Variants in DST observed in about 807,000 individuals in gnomAD.
DST encodes the protein dystonin.
Under a neutral mutation model 875.2 loss-of-function variants are expected in DST, and 253 were observed. The observed-to-expected ratio is 0.29, with a 90% CI of 0.26 to 0.32. The LOEUF (loss-of-function observed/expected upper bound fraction) is 0.32, where lower values mean the gene tolerates loss of function less well. Ranked by LOEUF, DST falls within the 10% of genes least tolerant of loss-of-function variation. The pLI, the probability that DST is intolerant of heterozygous loss-of-function variation, is 1.00. For missense variants in DST, 8,287 were observed against 9,111.6 expected (o/e 0.91, Z 3.68); for synonymous variants, 3,124 against 3,197.1 (o/e 0.98, Z 0.77).
chr6:56,472,036 G>A, intron 94 of DST, 23 bp downstream of exon 94: 2 of 1,612,270 alleles, frequency 1.2e-6, no homozygotes, highest in Non-Finnish European at 1.7e-6. Context: ...ACAATGTGGT[G>A]TTGAGGGTAT....
intron 69 of DST, among the ~76,000 whole-genome samples, chr6:56,522,699 A>G (rs2096728937): frequency 6.6e-6 from 1 of 152,054 alleles, no homozygotes; most frequent in Admixed American, 6.6e-5. Context: ...CACCAATCCA[A>G]GGGCCTTTCT....
At chr6:56,580,710 C>T (rs79055221) in intron 49 of DST, among the ~76,000 whole-genome samples, 3,019 of 146,910 alleles carry the variant, frequency 0.021, 107 homozygotes, top group African/African-American at 0.07. Context: ...AGGTAATTAG[C>T]GGAATTTACT....
At chr6:56,540,670 A>G (rs190660709) in intron 61 of DST, 14 of 152,648 alleles carry the variant, frequency 9.2e-5, no homozygotes, top group Admixed American at 8.5e-4. Context: ...CATTTTCTCT[A>G]TTTCTTGGCA....
At chr6:56,573,952 A>G in intron 50 of DST, 65 bp from the exon 51 acceptor site, 1 of 1,166,360 alleles carries the variant, frequency 8.6e-7, no homozygotes, top group East Asian at 2.5e-5. Flanking sequence ...TTTCAAAAAC[A>G]CATGAAGGTG....
intron 63 of DST, among the ~76,000 whole-genome samples, chr6:56,533,025 C>T (rs921435171): frequency 1.3e-5 from 2 of 152,148 alleles, no homozygotes; most frequent in Admixed American, 6.6e-5. Context: ...AAACGAGAGG[C>T]TCTTGGCTCC....
Position 56,593,795 on chromosome 6 carries a change from T to C in DST, c.12594A>G (p.Gly4198=). The C allele has an allele frequency of 6.2e-7, 1 of 1,613,972 alleles. No individual in the cohort carries two copies. Among genetic ancestry groups the C allele is most frequent in the Non-Finnish European group, 8.5e-7 (1 of 1,179,882 alleles). ...ATTTGGCAGCTTCCAACACTCTGTT[T>C]CCAGAAATTGTGATGTATCTCAAGT... ...KGDLRYITIS[G]NRVLEAAKSC... is the part of the protein sequence containing the mutation. The change falls in exon 48 of 104, where the codon GGA becomes GGG. Residue 4198 remains glycine (G), a synonymous_variant. Transcript: ENST00000680361.
At chr6:56,641,048 G>A (rs1415750210) in intron 17 of DST, among the ~76,000 whole-genome samples, 1 of 151,090 alleles carries the variant, frequency 6.6e-6, no homozygotes, top group East Asian at 1.9e-4. Context: ...AATTACTATA[G>A]ATTCCTAAAG....
chr6:56,492,522 T>C (rs1450001310), intron 84 of DST, 89 bp from the exon 85 acceptor site: 3 of 1,322,270 alleles, frequency 2.3e-6, no homozygotes, highest in African/African-American at 3.0e-5. Flanking sequence ...CTGAAATTAT[T>C]TTAAAGGACA....
At position 56,851,489 on chromosome 6, in the gene DST, G is replaced by C. The variant is rs1562176828; in HGVS notation, c.533C>G (p.Pro178Arg). The C allele has an allele frequency of 6.2e-7, 1 of 1,614,030 alleles. No individual in the cohort carries two copies. The highest frequency in any genetic ancestry group is 2.2e-5 in the East Asian group (1 of 44,890). The change falls in exon 4 of 104, where the codon CCC becomes CGC. Residue 178 changes from proline to arginine, a missense_variant. Transcript: ENST00000680361. ...SASPAPGDTL[P>R]WNLPKHERSK... ...TCTCTCATGTTTAGGCAAATTCCAG[G>C]GTAAGGTGTCTCCCGGAGCTGGGGA...
chr6:56,559,034 TG>T (rs1477058609), intron 58 of DST, among the ~76,000 whole-genome samples: 2 of 152,160 alleles, frequency 1.3e-5, no homozygotes, highest in Non-Finnish European at 2.9e-5. Context: ...TATTCATTGA[TG>T]GTGTGATCAC....
chr6:56,810,737 G>GT (rs1358129601), intron 4 of DST, among the ~76,000 whole-genome samples: 1 of 151,482 alleles, frequency 6.6e-6, no homozygotes, highest in African/African-American at 2.4e-5. Context: ...CAGTATCAGG[G>GT]TAACTCCAGG....
chr6:56,584,762 C>T (rs1343296387), intron 49 of DST, among the ~76,000 whole-genome samples: 7 of 151,948 alleles, frequency 4.6e-5, no homozygotes, highest in Non-Finnish European at 8.8e-5. Context: ...TTTTGAGATA[C>T]GTCCCATCAA....
intron 4 of DST, among the ~76,000 whole-genome samples, chr6:56,789,410 C>T (rs1326990361): frequency 6.6e-6 from 1 of 152,068 alleles, no homozygotes; most frequent in Non-Finnish European, 1.5e-5. Flanking sequence ...ACAAATGATA[C>T]CTTTTAAAAT....
chr6:56,741,433 A>T (rs976259098), intron 4 of DST, among the ~76,000 whole-genome samples: 9 of 152,230 alleles, frequency 5.9e-5, no homozygotes, highest in African/African-American at 1.9e-4. Flanking sequence ...GATCAACTTA[A>T]ATGAGTCCCA....
chr6:56,734,885 G>C (rs952819593), intron 5 of DST, among the ~76,000 whole-genome samples: 53 of 151,782 alleles, frequency 3.5e-4, no homozygotes, highest in Admixed American at 2.0e-4. Context: ...TCTTGAGAGA[G>C]AAAAAAAATC....
rs145262789 is a variant in DST, at chr6:56,819,253, G to A, written c.625+32144C>T. ...CGGCTAAAACATCTACCAGAGAGGA[G>A]AAAGAGATGGCAAACTGGGAAAAGC... On this transcript the variant is annotated intron_variant, in intron 4 of 103. Coordinates refer to ENST00000680361, the MANE Select transcript of DST (RefSeq NM_001374736.1). Among the ~76,000 whole-genome samples, 14 of 152,288 alleles carry A rather than the reference G, an allele frequency of 9.2e-5. No homozygotes were observed. The East Asian group carries it at 2.7e-3, about 29-fold the overall frequency.
intron 9 of DST, among the ~76,000 whole-genome samples, chr6:56,687,260 G>A (rs1269989126): frequency 1.3e-5 from 2 of 152,096 alleles, no homozygotes; most frequent in Non-Finnish European, 2.9e-5. Context: ...TATTCTATTC[G>A]AGACAGTGTA....
At chr6:56,510,572 C>G (rs1039762717) in intron 73 of DST, among the ~76,000 whole-genome samples, 1 of 152,024 alleles carries the variant, frequency 6.6e-6, no homozygotes, top group Non-Finnish European at 1.5e-5. Context: ...TTAAGCAAAG[C>G]TATAAAAACT....
In DST at chr6:56,607,246, C is replaced by T. The variant is rs1374351236; in HGVS notation, c.7382G>A (p.Gly2461Glu). ...FNDTHTPESN[G>E]NKCEAPALSF... ...TAAGGCTGGGGCTTCACACTTATTT[C>T]CATTGCTCTCTGGGGTGTGTGTATC... The change falls in exon 40 of 104, where the codon GGA becomes GAA. Residue 2461 changes from glycine (G) to glutamate (E), a missense_variant. Around this residue, in one of 10 missense-constraint regions of DST, gnomAD observed 3,138 missense variants for 3,116.6 expected, o/e 1.01. Coordinates refer to ENST00000680361, the MANE Select transcript of DST (RefSeq NM_001374736.1). 2 of 1,613,348 alleles carry T rather than the reference C, an allele frequency of 1.2e-6. No individual in the cohort carries two copies. The highest frequency in any genetic ancestry group is 2.2e-5 in the East Asian group (1 of 44,878).
Sources: allele counts gnomAD v4.1 joint callset (sites outside exome capture counted in the v4.1 genomes callset), GRCh38; gene constraint gnomAD v4.1.1; regional missense constraint gnomAD v4.1.1; transcripts MANE v1.5; gene names NCBI Gene and HGNC (gene_info 2026-07-23, HGNC 2026-07-21).